GALNT14: variants seen among roughly 807,000 people sequenced by gnomAD.
GALNT14 encodes the protein UDP-GalNAc:polypeptide N-acetylgalactosaminyltransferase 14.
In GALNT14, 60 loss-of-function variants were observed where a neutral mutation model predicts 77.5. That is an observed-to-expected ratio of 0.77 (90% CI 0.63 to 0.96). GALNT14 has a LOEUF of 0.96. Among genes scored for constraint, GALNT14 ranks in the 40% least tolerant of loss-of-function variants. The pLI is 0.00. For missense variants in GALNT14, 710 were observed against 731.0 expected (o/e 0.97, Z 0.33); for synonymous variants, 280 against 281.7 (o/e 0.99, Z 0.06).
At chr2:31,029,373 T>C (rs867190566) in intron 1 of GALNT14, among the ~76,000 whole-genome samples, 1 of 151,548 alleles carries the variant, frequency 6.6e-6, no homozygotes, top group Admixed American at 6.6e-5. Context: ...TCTCACTGCC[T>C]CCACCACCGT....
intron 1 of GALNT14, chr2:31,114,819 G>T: frequency 1.4e-6 from 1 of 717,420 alleles, no homozygotes; most frequent in Non-Finnish European, 2.6e-6. Flanking sequence ...CATACAGCAA[G>T]GTGTCCTCCT....
chr2:31,000,041 C>T (rs1264676625), intron 1 of GALNT14, among the ~76,000 whole-genome samples: 2 of 152,338 alleles, frequency 1.3e-5, no homozygotes, highest in African/African-American at 4.8e-5. Context: ...CTCTAGTCTG[C>T]ACTTCCACTG....
At chr2:30,935,124 G>A (rs1412986252) in intron 9 of GALNT14, among the ~76,000 whole-genome samples, 1 of 152,192 alleles carries the variant, frequency 6.6e-6, no homozygotes, top group Non-Finnish European at 1.5e-5. Flanking sequence ...TAGCTGATTA[G>A]TCCTAACAAC....
At chr2:31,088,802 A>C (rs1676586487) in intron 1 of GALNT14, among the ~76,000 whole-genome samples, 1 of 152,156 alleles carries the variant, frequency 6.6e-6, no homozygotes, top group Non-Finnish European at 1.5e-5. Flanking sequence ...TGGCTGCCTG[A>C]AAGGGATGAG....
At chr2:31,118,305 A>C (rs1162773915) in intron 1 of GALNT14, among the ~76,000 whole-genome samples, 1 of 152,202 alleles carries the variant, frequency 6.6e-6, no homozygotes, top group Non-Finnish European at 1.5e-5. Flanking sequence ...CTAAATCTAA[A>C]ACCAAAGTAC....
intron 1 of GALNT14, among the ~76,000 whole-genome samples, chr2:31,049,849 A>AT (rs1259866472): frequency 6.6e-6 from 1 of 152,192 alleles, no homozygotes; most frequent in African/African-American, 2.4e-5. Context: ...CATTAAAACA[A>AT]TTTACAGCAG....
intron 1 of GALNT14, among the ~76,000 whole-genome samples, chr2:31,058,470 A>C (rs905083344): frequency 3.3e-5 from 5 of 152,010 alleles, no homozygotes; most frequent in African/African-American, 1.2e-4. Context: ...ACATCCTTTG[A>C]TCATCAGGGT....
intron 1 of GALNT14, among the ~76,000 whole-genome samples, chr2:30,997,412 A>AC (rs1670101986): frequency 6.6e-6 from 1 of 152,184 alleles, no homozygotes; most frequent in Non-Finnish European, 1.5e-5. Context: ...CCTGGCTCAT[A>AC]CAAATATCCG....
intron 13 of GALNT14, among the ~76,000 whole-genome samples, chr2:30,917,160 G>A (rs1277082576): frequency 3.3e-5 from 5 of 150,694 alleles, no homozygotes; most frequent in Admixed American, 2.0e-4. Context: ...TCTTGGAATG[G>A]CCCAGGGCCC....
At chr2:31,094,849 T>C (rs1253754313) in intron 1 of GALNT14, among the ~76,000 whole-genome samples, 1 of 152,126 alleles carries the variant, frequency 6.6e-6, no homozygotes, top group Non-Finnish European at 1.5e-5. Flanking sequence ...CCCAATGATA[T>C]TGGGATCCAG....
Position 30,945,888 on chromosome 2 carries a change from C to T in GALNT14, c.655-18G>A, listed in dbSNP as rs188748876. On this transcript the variant is annotated intron_variant, in intron 6 of 14. Transcript: ENST00000349752. ...GTGTAGTCCTGTAAGACAACAGACCCGCACTTAGCTTATGGAGAGGAGCCC... is the reference window on the plus strand; with the variant it reads ...GTGTAGTCCTGTAAGACAACAGACCTGCACTTAGCTTATGGAGAGGAGCCC... 1.4e-5 allele frequency: 23 copies of T among 1,610,742 alleles called. No homozygotes were observed. Among genetic ancestry groups the T allele is most frequent in the South Asian group, 2.2e-5 (2 of 90,990 alleles).
intron 13 of GALNT14, among the ~76,000 whole-genome samples, chr2:30,917,735 G>T (rs1664770540): frequency 1.3e-5 from 2 of 152,194 alleles, no homozygotes; most frequent in African/African-American, 4.8e-5. Context: ...GGATCAAAGG[G>T]GCCAATGGTT....
chr2:31,005,436 T>A (rs912292229), intron 1 of GALNT14, among the ~76,000 whole-genome samples: 12 of 152,238 alleles, frequency 7.9e-5, no homozygotes, highest in Admixed American at 2.0e-4. Flanking sequence ...AGGACAATAC[T>A]AATCTTCACC....
At chr2:30,912,118 T>G in intron 14 of GALNT14, 105 bp downstream of exon 14, 2 of 1,426,446 alleles carry the variant, frequency 1.4e-6, no homozygotes, top group South Asian at 2.6e-5. Context: ...TATCAACTCT[T>G]CCTCTTCTAA....
chr2:31,078,865 G>T, intron 1 of GALNT14: 1 of 1,259,808 alleles, frequency 7.9e-7, no homozygotes, highest in Non-Finnish European at 1.0e-6. Flanking sequence ...AGGAGAGCAG[G>T]GGAAAGTAGG....
chr2:31,121,098 T>C (rs1449551634), intron 1 of GALNT14, among the ~76,000 whole-genome samples: 2 of 152,206 alleles, frequency 1.3e-5, no homozygotes, highest in Non-Finnish European at 2.9e-5. Flanking sequence ...CACAGTTCAC[T>C]TTCTCCAACC....
chr2:31,038,481 T>G (rs963134585), intron 1 of GALNT14, among the ~76,000 whole-genome samples: 9 of 151,712 alleles, frequency 5.9e-5, no homozygotes, highest in African/African-American at 2.2e-4. Context: ...AGAGAAGCCC[T>G]AAGAATGGTG....
rs547553037 is a variant in GALNT14 at position 30,974,391 on chromosome 2, G to A, written c.300-8089C>T. Reference sequence around the variant, plus strand: ...CAGCTAGAATGATCTTTCCAGAACTGCGTCTTTAACCTCTTTCAATGCTGC... The same window carrying A: ...CAGCTAGAATGATCTTTCCAGAACTACGTCTTTAACCTCTTTCAATGCTGC... On this transcript the variant is annotated intron_variant, in intron 2 of 14. Coordinates refer to ENST00000349752, the MANE Select transcript of GALNT14 (RefSeq NM_024572.4). Among the ~76,000 whole-genome samples the A allele has an allele frequency of 3.3e-5, 5 of 152,184 alleles. No homozygotes were observed. The South Asian group carries it at 1.0e-3, about 32-fold the overall frequency.
At chr2:31,133,808 T>C (rs190165303) in intron 1 of GALNT14, among the ~76,000 whole-genome samples, 6 of 152,294 alleles carry the variant, frequency 3.9e-5, no homozygotes, top group East Asian at 3.9e-4. Flanking sequence ...ACTCAATTTG[T>C]TACAGGATTT....
Sources: gnomAD v4.1 joint callset for allele counts (sites outside exome capture counted in the v4.1 genomes callset) on GRCh38, gnomAD v4.1.1 for gene constraint, MANE v1.5 for transcripts, NCBI Gene and HGNC (gene_info 2026-07-23, HGNC 2026-07-21) for gene names.